Variants in ACCSL observed in about 807,000 individuals in gnomAD.
ACCSL encodes 1-aminocyclopropane-1-carboxylate synthase homolog (inactive) like.
In ACCSL, 55 loss-of-function variants were observed where a neutral mutation model predicts 61.7. The observed-to-expected ratio is 0.89, with a 90% confidence interval of 0.72 to 1.12. The LOEUF (loss-of-function observed/expected upper bound fraction) is 1.12, where lower values mean the gene tolerates loss of function less well. Ranked by LOEUF, ACCSL falls within the 50% of genes most tolerant of loss-of-function variation. ACCSL has a pLI of 0.00. For synonymous variants in ACCSL, 258 were observed against 264.3 expected (o/e 0.98, Z 0.23); for missense variants, 632 against 698.0 (o/e 0.91, Z 1.07).
chr11:44,050,675 T>A (rs1590429298), intron 3 of ACCSL, 53 bp downstream of exon 3: 1 of 1,561,980 alleles, frequency 6.4e-7, no homozygotes, highest in South Asian at 1.1e-5. Flanking sequence ...GCTGTCCTTA[T>A]CCAGAAGGAG....
At chr11:44,055,676 AG>A (rs1241905659) in intron 9 of ACCSL, among the ~76,000 whole-genome samples, 1 of 152,244 alleles carries the variant, frequency 6.6e-6, no homozygotes, top group Admixed American at 6.5e-5. Flanking sequence ...GCCTGGCAGA[AG>A]GAATAGCTTC....
At chr11:43,943,552 C>T in the ACCSL span, 4 of 1,317,482 alleles carry the variant, frequency 3.0e-6, no homozygotes, top group African/African-American at 1.5e-5. This position sits in a 1 kb window ranked among gnomAD's most constrained non-coding sequence, Gnocchi z 4.8. Flanking sequence ...TGAGTGTGTG[C>T]GGGGAGGCGC....
Position 44,052,672 on chromosome 11 carries a change from G to C in ACCSL, c.783G>C (p.Leu261=). Residue 261 remains leucine (L), a synonymous_variant, in exon 6 of 14, where the codon CTG becomes CTC. Transcript: ENST00000378832. ...MVLCDPGEAF[L]VPAPFYGGFA... ...TCTCTGTGTTTCCAGAGGCCTTCCTGGTCCCTGCTCCCTTCTATGGTGGCT... is the reference window on the plus strand; with the variant it reads ...TCTCTGTGTTTCCAGAGGCCTTCCTCGTCCCTGCTCCCTTCTATGGTGGCT... 8 of 1,614,036 alleles carry C rather than the reference G, an allele frequency of 5.0e-6. No homozygotes were observed. Among genetic ancestry groups the C allele is most frequent in the African/African-American group, 1.3e-5 (1 of 75,026 alleles).
chr11:44,005,650 A>G, the ACCSL span, among the ~76,000 whole-genome samples: 3 of 152,092 alleles, frequency 2.0e-5, no homozygotes, highest in African/African-American at 7.2e-5. Context: ...ACACCAACTC[A>G]TTCTGGCTTC....
chr11:43,924,946 G>T, the ACCSL span: 1 of 160,024 alleles, frequency 6.2e-6, no homozygotes, highest in Non-Finnish European at 1.4e-5. Context: ...TCTCCTTCGG[G>T]TTGTTTCCTG....
chr11:43,943,882 C>A, the ACCSL span: 1 of 1,227,964 alleles, frequency 8.1e-7, no homozygotes, highest in African/African-American at 1.6e-5. This position sits in a 1 kb window ranked among gnomAD's most constrained non-coding sequence, Gnocchi z 4.8. Flanking sequence ...TTGCACAGTG[C>A]AGTTTTCCAG....
At chr11:44,042,293 T>G in the ACCSL span, among the ~76,000 whole-genome samples, 1 of 152,212 alleles carries the variant, frequency 6.6e-6, no homozygotes, top group Non-Finnish European at 1.5e-5. Flanking sequence ...AGTTACTTTC[T>G]TAGGGAGTTA....
At chr11:44,033,942 G>A in the ACCSL span, among the ~76,000 whole-genome samples, 8 of 148,726 alleles carry the variant, frequency 5.4e-5, no homozygotes, top group African/African-American at 2.0e-4. Context: ...AGATGCAGGA[G>A]CCCGAGAAAG....
At chr11:43,985,136 G>T in the ACCSL span, among the ~76,000 whole-genome samples, 1 of 152,206 alleles carries the variant, frequency 6.6e-6, no homozygotes, top group Non-Finnish European at 1.5e-5. Flanking sequence ...CCAGTACCTG[G>T]AGTGCTTTCT....
chr11:43,969,641 G>A, the ACCSL span, among the ~76,000 whole-genome samples: 34 of 151,920 alleles, frequency 2.2e-4, no homozygotes, highest in Non-Finnish European at 4.1e-4. Context: ...GGTTCCCAGG[G>A]AGCAGCCCAG....
the ACCSL span, chr11:43,995,036 G>A: frequency 3.3e-5 from 5 of 152,228 alleles, no homozygotes; most frequent in African/African-American, 1.2e-4. Context: ...TCCCAGATGG[G>A]GAGAGAGACT....
chr11:44,058,271 T>G, intron 11 of ACCSL, 46 bp from the exon 12 acceptor site: 9 of 1,600,704 alleles, frequency 5.6e-6, no homozygotes, highest in Non-Finnish European at 7.7e-6. Flanking sequence ...TCTCGGTAGA[T>G]TTCTGTAGTA....
At chr11:44,004,909 G>A in the ACCSL span, among the ~76,000 whole-genome samples, 1 of 152,168 alleles carries the variant, frequency 6.6e-6, no homozygotes, top group East Asian at 1.9e-4. Flanking sequence ...CCATCGAGGG[G>A]ATGCAACTTC....
Position 44,048,066 on chromosome 11 carries a change from GC to G in ACCSL, c.33del (p.Ser12LeufsTer21). On this transcript the variant is annotated frameshift_variant, in exon 1 of 14. Coordinates refer to ENST00000378832, the MANE Select transcript of ACCSL (RefSeq NM_001031854.2). LOFTEE classifies it high-confidence loss of function. Reference protein sequence around the residue: MSHRSDTLPVPSGQRRGRVPR... With the variant: MSHRSDTLPVXSGQRRGRVPR... ...GTCATCGGTCAGACACCCTTCCTGT[GC>G]CCTCTGGTCAGAGGAGAGGCCGGGT... is the stretch of plus-strand genomic sequence containing the variant. 1 of 1,613,350 alleles carries G rather than the reference GC, an allele frequency of 6.2e-7. No individual in the cohort carries two copies. Among genetic ancestry groups the G allele is most frequent in the Non-Finnish European group, 8.5e-7 (1 of 1,179,352 alleles).
the ACCSL span, chr11:43,942,831 G>GGGCCCCGGCGCAGCGGCC: frequency 1.8e-6 from 2 of 1,111,432 alleles, no homozygotes; most frequent in African/African-American, 3.3e-5. Flanking sequence ...GCCTCCCGGG[G>GGGCCCCGGCGCAGCGGCC]GGCCCCGGCG....
the ACCSL span, among the ~76,000 whole-genome samples, chr11:44,029,964 C>T: frequency 2.1e-4 from 28 of 134,210 alleles, no homozygotes; most frequent in African/African-American, 7.5e-4. Flanking sequence ...GTCCCCTGGG[C>T]CTTGTTTTTA....
chr11:43,927,664 C>T, the ACCSL span, among the ~76,000 whole-genome samples: 4 of 152,304 alleles, frequency 2.6e-5, no homozygotes, highest in Admixed American at 6.5e-5. Flanking sequence ...GGCCCAGATC[C>T]GGAAGGCTAT....
upstream of ACCSL, among the ~76,000 whole-genome samples, chr11:44,044,611 A>C (rs554089301): frequency 6.6e-5 from 10 of 152,258 alleles, no homozygotes; most frequent in East Asian, 1.4e-3. Context: ...GTACTGAGAC[A>C]CCAGAGGAGG....
In ACCSL at chr11:44,052,831, G is replaced by C. The variant is rs959200879; in HGVS notation, c.870+72G>C. The C allele has an allele frequency of 1.8e-5, 27 of 1,526,020 alleles. 1 individual carries two copies. The South Asian group carries it at 2.8e-4, about 16-fold the overall frequency. The allele number at this position is 1,526,020 out of a possible 1,614,324, so 94.5% of individuals were successfully genotyped here. On this transcript the variant is annotated intron_variant, in intron 6 of 13. Transcript: ENST00000378832. The stretch of plus-strand genomic sequence containing the variant: ...TGTTCTGGGGACACCTAAAGGGGTA[G>C]AGGGGCTTGCTTTCTACCCATCTAA...
Sources: gnomAD v4.1 joint callset for allele counts (sites outside exome capture counted in the v4.1 genomes callset) on GRCh38, gnomAD v4.1.1 for gene constraint, Gnocchi (gnomAD v3.1) non-coding constraint, MANE v1.5 for transcripts, NCBI Gene and HGNC (gene_info 2026-07-23, HGNC 2026-07-21) for gene names.